The following STRA6 variants were observed in gnomAD, a reference collection of about 807,000 sequenced individuals.
STRA6 encodes the protein receptor for retinol uptake STRA6.
A neutral mutation model predicts 83.6 loss-of-function variants in STRA6; 48 were observed. The observed-to-expected ratio is 0.57, with a 90% CI of 0.46 to 0.73. STRA6 has a LOEUF of 0.73. Ranked by LOEUF, STRA6 falls within the 30% of genes least tolerant of loss-of-function variation. STRA6 has a pLI of 0.00. For missense variants in STRA6, 760 were observed against 838.8 expected, an observed-to-expected ratio of 0.91 and a Z score of 1.16; for synonymous variants, 353 against 362.3, an observed-to-expected ratio of 0.97 and a Z score of 0.29.
chr15:74,184,314 A>G (rs1264878243), intron 13 of STRA6, among the ~76,000 whole-genome samples: 1 of 152,254 alleles, frequency 6.6e-6, no homozygotes, highest in Non-Finnish European at 1.5e-5. Context: ...AGGCAAGCAC[A>G]GGCTGAGGAG....
upstream of STRA6, chr15:74,209,377 A>G: frequency 6.5e-7 from 1 of 1,535,466 alleles, no homozygotes; most frequent in Non-Finnish European, 8.7e-7. Context: ...GTCCCCATCC[A>G]TCACTCCCAG....
At position 74,188,579 on chromosome 15, in the gene STRA6, G is replaced by A. The variant is rs967449078; in HGVS notation, c.1090+536C>T. On this transcript the variant is annotated intron_variant, in intron 12 of 18. Transcript: ENST00000395105. This position sits in a 1 kb window ranked among gnomAD's most constrained non-coding sequence, Gnocchi z 4.5. ...AGCGCCCAGGAGGCAGAGTAAGTAG[G>A]TGGCTGCAGGAGGCATCAGACCACA... Among the ~76,000 whole-genome samples, 1 of 152,190 alleles carries A rather than the reference G, an allele frequency of 6.6e-6. No individual in the cohort carries two copies. The highest frequency in any genetic ancestry group is 6.5e-5 in the Admixed American group (1 of 15,292).
chr15:74,202,715 G>A lies in STRA6; in HGVS notation c.-18C>T. The A allele has an allele frequency of 1.6e-6, 2 of 1,272,630 alleles. No individual in the cohort carries two copies. Among genetic ancestry groups the A allele is most frequent in the Non-Finnish European group, 2.0e-6 (2 of 1,012,554 alleles). 78.8% of individuals were successfully genotyped at this position (1,272,630 alleles called of 1,614,324 possible). A position where few individuals can be genotyped will look rare whatever the true frequency, so the allele number is the denominator to read the frequency against. On this transcript the variant is annotated splice_region_variant and 5_prime_UTR_variant, in exon 1 of 19. Transcript: ENST00000395105. ...CCTAGACAGACCCACAGACACACCAGAAGGGAGGCCCAGGGAGGAAGGAGT... is the reference window on the plus strand; with the variant it reads ...CCTAGACAGACCCACAGACACACCAAAAGGGAGGCCCAGGGAGGAAGGAGT...
At chr15:74,190,314 C>A (rs1384466301) in intron 11 of STRA6, among the ~76,000 whole-genome samples, 1 of 152,206 alleles carries the variant, frequency 6.6e-6, no homozygotes, top group African/African-American at 2.4e-5. Context: ...TGTGCAGAAA[C>A]TTGGCCAAGT....
intron 12 of STRA6, 31 bp from the exon 13 acceptor site, chr15:74,185,086 G>T (rs542746898): frequency 1.9e-6 from 3 of 1,609,980 alleles, no homozygotes; most frequent in South Asian, 2.2e-5. Context: ...AAAGTGAGAG[G>T]TCAGGGTCTG....
chr15:74,211,562 G>A (rs572103750), upstream of STRA6, among the ~76,000 whole-genome samples: 1 of 152,048 alleles, frequency 6.6e-6, no homozygotes, highest in East Asian at 1.9e-4. Context: ...CACCATGCCC[G>A]GCTGAATTTT....
intron 13 of STRA6, 114 bp downstream of exon 13, chr15:74,184,866 G>T: frequency 9.3e-7 from 1 of 1,070,262 alleles, no homozygotes; most frequent in Non-Finnish European, 1.4e-6. Context: ...CTCCATGACA[G>T]CCCGGGCCGG....
upstream of STRA6, chr15:74,209,394 A>G (rs755321735): frequency 5.2e-6 from 8 of 1,535,484 alleles, no homozygotes; most frequent in African/African-American, 1.4e-5. Flanking sequence ...CCAGGGGGCC[A>G]CTGCCTGATG....
intron 8 of STRA6, 31 bp downstream of exon 8, chr15:74,193,769 G>A (rs368871453): frequency 8.6e-5 from 139 of 1,611,948 alleles, no homozygotes; most frequent in Admixed American, 3.5e-4. Context: ...TGGGTGCTGA[G>A]GAAGAGCTCA....
rs142431109 is a variant in STRA6 at position 74,186,719 on chromosome 15, C to A, written c.1091-1664G>T. On this transcript the variant is annotated intron_variant, in intron 12 of 18. Transcript: ENST00000395105. ...CCAGGAGGTGGAGGTTGCAGTGAGC[C>A]GAGATTGCACCACTGCACTCCAGCC... 2.9e-4 allele frequency among the ~76,000 whole-genome samples: 44 copies of A among 152,168 alleles called. 1 individual carries two copies. The East Asian group carries it at 8.5e-3, about 29-fold the overall frequency.
Position 74,188,153 on chromosome 15 carries a change from TG to T in STRA6, c.1090+961del, listed in dbSNP as rs2073348896. On this transcript the variant is annotated intron_variant, in intron 12 of 18. Coordinates refer to ENST00000395105, the MANE Select transcript of STRA6 (RefSeq NM_022369.4). This position sits in a 1 kb window ranked among gnomAD's most constrained non-coding sequence, Gnocchi z 4.5. The stretch of plus-strand genomic sequence containing the variant: ...TGGTGGAGGTGGTCAGGGAAGGAAG[TG>T]GTCACTCCGTGCACCTCTGCCCACC... Among the ~76,000 whole-genome samples, 1 of 152,142 alleles carries T rather than the reference TG, an allele frequency of 6.6e-6. No individual in the cohort carries two copies. The highest frequency in any genetic ancestry group is 1.5e-5 in the Non-Finnish European group (1 of 68,018).
chr15:74,185,979 C>T (rs577997177), intron 12 of STRA6, among the ~76,000 whole-genome samples: 2 of 152,204 alleles, frequency 1.3e-5, no homozygotes, highest in African/African-American at 2.4e-5. Flanking sequence ...ATCTCAAGGA[C>T]GGGGAGAGCA....
At chr15:74,181,727 A>G (rs947277801) in intron 16 of STRA6, among the ~76,000 whole-genome samples, 3 of 152,174 alleles carry the variant, frequency 2.0e-5, no homozygotes, top group Non-Finnish European at 4.4e-5. Context: ...CTCTAGGTCC[A>G]TCTGAGTCTT....
Position 74,188,981 on chromosome 15 carries a change from C to T in STRA6, c.1090+134G>A. 9.1e-7 allele frequency: 1 copy of T among 1,098,018 alleles called. No homozygotes were observed. Among genetic ancestry groups the T allele is most frequent in the Non-Finnish European group, 1.3e-6 (1 of 761,716 alleles). 68.0% of individuals were successfully genotyped at this position (1,098,018 alleles called of 1,614,324 possible). A position where few individuals can be genotyped will look rare whatever the true frequency, so the allele number is the denominator to read the frequency against. On this transcript the variant is annotated intron_variant, in intron 12 of 18. Transcript: ENST00000395105. The surrounding 1 kb of genome is among the most constrained non-coding windows in gnomAD (Gnocchi z 4.5). ...CAACTGCCACAATTTGGAGATGAGG[C>T]AATCGAGACCCAGAGAGAGGAAGGA...
chr15:74,181,669 A>C lies in STRA6; in HGVS notation c.1521-211T>G, dbSNP rs11855667. 0.18 allele frequency among the ~76,000 whole-genome samples: 26,742 copies of C among 152,114 alleles called. 2,857 individuals carry two copies. The highest frequency in any genetic ancestry group is 0.23 in the Non-Finnish European group (15,769 of 67,960). ...GAAACTGAGGCCCAGAGAGATTGGG[A>C]GACTTAGCCAAGGCTGTCAGCTATT... On this transcript the variant is annotated intron_variant, in intron 16 of 18. Transcript: ENST00000395105.
At chr15:74,196,176 G>A in intron 4 of STRA6, 29 bp from the exon 5 acceptor site, 1 of 1,612,236 alleles carries the variant, frequency 6.2e-7, no homozygotes, top group Non-Finnish European at 8.5e-7. Context: ...CAGGGCAGGA[G>A]GGAGTTGCTC....
Position 74,181,276 on chromosome 15 carries a change from C to G in STRA6, c.1684+19G>C. 1 of 1,611,982 alleles carries G rather than the reference C, an allele frequency of 6.2e-7. No individual in the cohort carries two copies. Among genetic ancestry groups the G allele is most frequent in the African/African-American group, 1.3e-5 (1 of 74,908 alleles). On this transcript the variant is annotated intron_variant, in intron 17 of 18. Coordinates refer to ENST00000395105, the MANE Select transcript of STRA6 (RefSeq NM_022369.4). ...TTGGGTAGCCTGAGCAATCCTCCAG[C>G]CCCGCCCAGTGACCTTACCGGGGTC...
chr15:74,185,031 A>G lies in STRA6; in HGVS notation c.1115T>C (p.Leu372Ser). 6.2e-7 allele frequency: 1 copy of G among 1,614,074 alleles called. No homozygotes were observed. Among genetic ancestry groups the G allele is most frequent in the Non-Finnish European group, 8.5e-7 (1 of 1,179,986 alleles). Residue 372 changes from leucine to serine, a missense_variant, in exon 13 of 19, where the codon TTG (leucine) becomes TCG (serine). Leu to Ser is a moderately radical substitution (Grantham distance 145, BLOSUM62 -2). Transcript: ENST00000395105. Reference sequence around the variant, plus strand: ...GACCAGGAAGGTGAGTAAGCAGGACAAGACCAAGGCTGAGATGTAGCACAC... The same window carrying G: ...GACCAGGAAGGTGAGTAAGCAGGACGAGACCAAGGCTGAGATGTAGCACAC... ...LEVCYISALV[L>S]SCLLTFLVLM...
rs781424738 is a variant in STRA6, at chr15:74,189,245, G to A, written c.960C>T (p.Pro320=). The change falls in exon 12 of 19, where the codon CCC becomes CCT. Residue 320 remains proline (P), a synonymous_variant. Coordinates refer to ENST00000395105, the MANE Select transcript of STRA6 (RefSeq NM_022369.4). ...VALLLLVGVV[P]TIQKVRAGVT... The stretch of plus-strand genomic sequence containing the variant: ...CCCCTGCCCTCACCTTCTGGATAGT[G>A]GGTACCACGCCCACCAGCAGCAGCA... 6.2e-7 allele frequency: 1 copy of A among 1,606,644 alleles called. No individual in the cohort carries two copies. Among genetic ancestry groups the A allele is most frequent in the Non-Finnish European group, 8.5e-7 (1 of 1,176,808 alleles).
Sources: allele counts gnomAD v4.1 joint callset (sites outside exome capture counted in the v4.1 genomes callset), GRCh38; gene constraint gnomAD v4.1.1; non-coding constraint Gnocchi (gnomAD v3.1); transcripts MANE v1.5; gene names NCBI Gene and HGNC (gene_info 2026-07-23, HGNC 2026-07-21).